FANCE: variants seen among roughly 807,000 people sequenced by gnomAD.
FANCE encodes the protein Fanconi anemia group E protein.
FANCE carries 42 observed loss-of-function variants against 57.8 expected under a neutral mutation model. The ratio of observed to expected loss-of-function variants is 0.73; its 90% CI spans 0.57 to 0.94. The LOEUF is 0.94. FANCE is among the 40% of genes least tolerant of loss of function. The pLI is 0.00. For synonymous variants in FANCE, 251 were observed against 286.4 expected, an observed-to-expected ratio of 0.88 and a Z score of 1.25; for missense variants, 608 against 661.8, an observed-to-expected ratio of 0.92 and a Z score of 0.89.
intron 1 of FANCE, 151 bp downstream of exon 1, chr6:35,452,944 C>A (rs919822814): frequency 1.1e-5 from 9 of 840,880 alleles, no homozygotes; most frequent in African/African-American, 1.8e-5. Flanking sequence ...TTGCTGTGTG[C>A]GGGACATCGA....
rs1337841266 is a variant in FANCE at position 35,459,380 on chromosome 6, C to T, written c.1163C>T (p.Thr388Ile). The T allele has an allele frequency of 1.2e-6, 2 of 1,614,080 alleles. No homozygotes were observed. The highest frequency in any genetic ancestry group is 1.7e-6 in the Non-Finnish European group (2 of 1,179,972). Residue 388 changes from threonine to isoleucine, a missense_variant, in exon 6 of 10, where the codon ACC (threonine) becomes ATC (isoleucine). Transcript: ENST00000229769. ...SASRLLTTAL[T>I]SFCAKYTYPV... ...TCCCGCCTGCTTACAACTGCCCTGA[C>T]CTCCTTCTGTGCCAAATATACATAC...
chr6:35,453,329 C>G (rs931166609), intron 1 of FANCE, among the ~76,000 whole-genome samples: 1 of 152,102 alleles, frequency 6.6e-6, no homozygotes, highest in Admixed American at 6.6e-5. Context: ...TTTAACCTCT[C>G]TGTGGCTGAC....
At chr6:35,457,746 G>C in intron 3 of FANCE, 146 bp downstream of exon 3, 1 of 1,122,714 alleles carries the variant, frequency 8.9e-7, no homozygotes, top group Non-Finnish European at 1.3e-6. Flanking sequence ...GTCTCTGAAG[G>C]AGCTTTTCTT....
chr6:35,463,846 A>G (rs1767693253), intron 9 of FANCE, among the ~76,000 whole-genome samples: 1 of 151,882 alleles, frequency 6.6e-6, no homozygotes, highest in Non-Finnish European at 1.5e-5. Flanking sequence ...TTGTATTTTT[A>G]GTAGAGACGG....
chr6:35,457,053 G>A (rs1456090064), intron 2 of FANCE, among the ~76,000 whole-genome samples: 2 of 152,146 alleles, frequency 1.3e-5, no homozygotes, highest in African/African-American at 4.8e-5. Flanking sequence ...ATTCTAGACA[G>A]CTAGGTTTCA....
Position 35,459,705 on chromosome 6 carries a change from T to G in FANCE, c.1261T>G (p.Cys421Gly), listed in dbSNP as rs778517461. The G allele has an allele frequency of 1.2e-6, 2 of 1,614,000 alleles. No homozygotes were observed. Among genetic ancestry groups the G allele is most frequent in the South Asian group, 1.1e-5 (1 of 91,084 alleles). The change falls in exon 7 of 10, where the codon TGT becomes GGT. Residue 421 changes from cysteine to glycine, a missense_variant. Physicochemically the swap from Cys to Gly is radical, Grantham distance 159. Transcript: ENST00000229769. ...GTGPAQTELL[C>G]CLVKMESLEP... ...AGGTCCTGCTCAAACAGAGTTACTG[T>G]GTTGCCTTGTGAAGATGGAGTCCCT... is the stretch of plus-strand genomic sequence containing the variant.
intron 6 of FANCE, 44 bp downstream of exon 6, chr6:35,459,498 T>G: frequency 6.2e-7 from 1 of 1,613,316 alleles, no homozygotes; most frequent in Non-Finnish European, 8.5e-7. Flanking sequence ...CTGCCCTCAG[T>G]GTTCTCAGCA....
intron 1 of FANCE, among the ~76,000 whole-genome samples, chr6:35,454,554 C>G (rs530311407): frequency 2.2e-4 from 34 of 152,268 alleles, no homozygotes; most frequent in African/African-American, 8.2e-4. Context: ...CCATGACTTG[C>G]CACACCACGC....
rs1049635501 is a variant in FANCE, at chr6:35,452,705, G to C, written c.160G>C (p.Gly54Arg). ...LGVLRALGSR[G>R]WEPFDWGRLL... The stretch of plus-strand genomic sequence containing the variant: ...GGTGCTCCGGGCGCTGGGCAGCCGC[G>C]GCTGGGAGCCCTTCGACTGGGGTCG... The change falls in exon 1 of 10, where the codon GGC becomes CGC. Residue 54 changes from glycine to arginine, a missense_variant. By Grantham distance (125) the Gly-to-Arg change is moderately radical. Transcript: ENST00000229769. The C allele has an allele frequency of 8.1e-7, 1 of 1,240,992 alleles. No homozygotes were observed. The highest frequency in any genetic ancestry group is 4.2e-5 in the Admixed American group (1 of 23,810). 76.9% of individuals were successfully genotyped at this position (1,240,992 alleles called of 1,614,324 possible).
rs752130850 is a variant in FANCE, at chr6:35,459,438, C to T, written c.1221C>T (p.Leu407=). 1.2e-5 allele frequency: 19 copies of T among 1,614,106 alleles called. No individual in the cohort carries two copies. In the Admixed American group the frequency reaches 2.8e-4, roughly 24 times the overall value. The change falls in exon 6 of 10, where the codon CTC becomes CTT. Residue 407 remains leucine (L), a synonymous_variant. Coordinates refer to ENST00000229769, the MANE Select transcript of FANCE (RefSeq NM_021922.3). ...GCAGCGCCCTCCTTGACCCTGTGCT[C>T]CAGGCCCCAGGCACAGGTAATTCTG... is the stretch of plus-strand genomic sequence containing the variant. ...PVCSALLDPV[L]QAPGTGPAQT...
chr6:35,457,800 T>C, intron 3 of FANCE, 116 bp from the exon 4 acceptor site: 1 of 1,088,170 alleles, frequency 9.2e-7, no homozygotes, highest in Non-Finnish European at 1.4e-6. Flanking sequence ...TAACTTCCTC[T>C]TCTCTGGTAG....
intron 7 of FANCE, 67 bp from the exon 8 acceptor site, chr6:35,460,485 G>A: frequency 2.0e-6 from 3 of 1,470,524 alleles, no homozygotes; most frequent in Non-Finnish European, 2.9e-6. Flanking sequence ...GGGAGTTGGA[G>A]CAGCAGATAG....
At position 35,462,899 on chromosome 6, in the gene FANCE, C is replaced by T. The variant is rs758101520; in HGVS notation, c.1494C>T (p.Thr498=). ...AYAKLMLTVM[T]KYQANITETQ... ...CCAAGCTCATGCTGACAGTGATGAC[C>T]AAGTATCAGGCTAACGTGAGTATTG... The change falls in exon 9 of 10, where the codon ACC becomes ACT. Residue 498 remains threonine (T), a synonymous_variant. Transcript: ENST00000229769. The T allele has an allele frequency of 1.7e-5, 27 of 1,614,090 alleles. No homozygotes were observed. Among genetic ancestry groups the T allele is most frequent in the Non-Finnish European group, 2.3e-5 (27 of 1,180,046 alleles).
chr6:35,465,838 A>G (rs1392859670), intron 9 of FANCE, among the ~76,000 whole-genome samples: 1 of 152,166 alleles, frequency 6.6e-6, no homozygotes, highest in African/African-American at 2.4e-5. Flanking sequence ...GCAGAAAGAG[A>G]AAGTGTGATC....
chr6:35,458,993 C>G (rs769340124), intron 5 of FANCE, among the ~76,000 whole-genome samples: 1 of 152,102 alleles, frequency 6.6e-6, no homozygotes, highest in Non-Finnish European at 1.5e-5. Flanking sequence ...GTTGCCCAGG[C>G]TGGTCTCGAA....
Position 35,452,525 on chromosome 6 carries a change from G to T in FANCE, c.-21G>T. On this transcript the variant is annotated 5_prime_UTR_variant, in exon 1 of 10. Transcript: ENST00000229769. ...AGGCCCCACACCAGAGTAGGGGGCG[G>T]CGCGGCACCCGTGCCCCGGCATGGC... is the stretch of plus-strand genomic sequence containing the variant. 1 of 1,286,774 alleles carries T rather than the reference G, an allele frequency of 7.8e-7. No homozygotes were observed. The highest frequency in any genetic ancestry group is 9.9e-7 in the Non-Finnish European group (1 of 1,014,922). The allele number at this position is 1,286,774 out of a possible 1,614,324, so 79.7% of individuals were successfully genotyped here. A position where few individuals can be genotyped will look rare whatever the true frequency, so the allele number is the denominator to read the frequency against.
chr6:35,466,128 T>G lies in FANCE; in HGVS notation c.1510-116T>G, dbSNP rs1767823202. On this transcript the variant is annotated intron_variant, in intron 9 of 9. Transcript: ENST00000229769. ...ATAATGAGATTAGATTGCTCAGGAG[T>G]CTCCTCCTCTTTCCATCCTCCTGGC... The G allele has an allele frequency of 7.9e-6, 6 of 760,388 alleles. No homozygotes were observed. The South Asian group carries it at 8.4e-5, about 11-fold the overall frequency. The allele number at this position is 760,388 out of a possible 1,614,324, so 47.1% of individuals were successfully genotyped here. A position where few individuals can be genotyped will look rare whatever the true frequency, so the allele number is the denominator to read the frequency against.
Position 35,452,503 on chromosome 6 carries a change from C to T in FANCE, c.-43C>T, listed in dbSNP as rs1767141468. ...GTTCCCCTCAGCCTCTGAGCTGAGG[C>T]CCCACACCAGAGTAGGGGGCGGCGC... On this transcript the variant is annotated 5_prime_UTR_variant, in exon 1 of 10. Coordinates refer to ENST00000229769, the MANE Select transcript of FANCE (RefSeq NM_021922.3). 2.4e-6 allele frequency: 3 copies of T among 1,243,184 alleles called. No individual in the cohort carries two copies. The highest frequency in any genetic ancestry group is 2.0e-6 in the Non-Finnish European group (2 of 993,248). The allele number at this position is 1,243,184 out of a possible 1,614,324, so 77.0% of individuals were successfully genotyped here.
intron 8 of FANCE, among the ~76,000 whole-genome samples, chr6:35,462,208 A>G (rs1767620819): frequency 6.6e-6 from 1 of 151,428 alleles, no homozygotes; most frequent in African/African-American, 2.4e-5. Flanking sequence ...CCTGGGTTCA[A>G]GTGATTCTCC....
Sources: gnomAD v4.1 joint callset for allele counts (sites outside exome capture counted in the v4.1 genomes callset) on GRCh38, gnomAD v4.1.1 for gene constraint, MANE v1.5 for transcripts, NCBI Gene and HGNC (gene_info 2026-07-23, HGNC 2026-07-21) for gene names.